ZNF662: variants seen among roughly 807,000 people sequenced by gnomAD.
The protein encoded by ZNF662 is zinc finger protein 662.
Under a neutral mutation model 12.4 loss-of-function variants are expected in ZNF662, and 14 were observed. The ratio of observed to expected loss-of-function variants is 1.13; its 90% confidence interval spans 0.75 to 1.77. ZNF662 has a LOEUF of 1.77. Ranked by LOEUF, ZNF662 falls within the 40% of genes most tolerant of loss-of-function variation. The probability of loss-of-function intolerance (pLI) is 0.00; values close to 1 mark genes in which losing one functional copy is unlikely to be tolerated. For missense variants in ZNF662, 550 were observed against 515.6 expected, an observed-to-expected ratio of 1.07 and a Z score of -0.65; for synonymous variants, 184 against 176.4, an observed-to-expected ratio of 1.04 and a Z score of -0.34.
At position 42,914,774 on chromosome 3, in the gene ZNF662, A is replaced by G. The variant is rs993836527; in HGVS notation, c.701A>G (p.His234Arg). The G allele has an allele frequency of 6.2e-7, 1 of 1,613,810 alleles. No homozygotes were observed. Reference sequence around the variant, plus strand: ...GGGAAGGCTTTCAGTTTTCGATCACATTGCATTGCACATCAGAGAATTCAC... The same window carrying G: ...GGGAAGGCTTTCAGTTTTCGATCACGTTGCATTGCACATCAGAGAATTCAC... ...ECGKAFSFRS[H>R]CIAHQRIHSG... is the part of the protein sequence containing the mutation. Residue 234 changes from histidine to arginine, a missense_variant, in exon 5 of 5, where the codon CAT becomes CGT. Transcript: ENST00000440367.
intron 4 of ZNF662, 102 bp from the exon 5 acceptor site, chr3:42,914,225 G>A (rs763678170): frequency 1.8e-5 from 19 of 1,036,522 alleles, no homozygotes; most frequent in Admixed American, 2.5e-5. Context: ...CTGAGACATG[G>A]GTGGCACTTG....
Position 42,915,092 on chromosome 3 carries a change from G to T in ZNF662, c.1019G>T (p.Gly340Val). 6.2e-7 allele frequency: 1 copy of T among 1,614,058 alleles called. No individual in the cohort carries two copies. Among genetic ancestry groups the T allele is most frequent in the African/African-American group, 1.3e-5 (1 of 75,004 alleles). Reference protein sequence around the residue: ...KPYECKDCGKGFMWNSDLSQH... With the variant: ...KPYECKDCGKVFMWNSDLSQH... ...TACGAATGTAAGGACTGTGGGAAGGGCTTCATGTGGAACTCAGATCTTTCT... is the reference window on the plus strand; with the variant it reads ...TACGAATGTAAGGACTGTGGGAAGGTCTTCATGTGGAACTCAGATCTTTCT... Residue 340 changes from glycine to valine, a missense_variant, in exon 5 of 5, where the codon GGC (glycine) becomes GTC (valine). Physicochemically the swap from Gly to Val is moderately radical, Grantham distance 109. Transcript: ENST00000440367.
rs1029732374 is a variant in ZNF662 at position 42,915,176 on chromosome 3, GCTT to G, written c.1107_1109del (p.Phe370del). 3 of 1,614,020 alleles carry G rather than the reference GCTT, an allele frequency of 1.9e-6. No homozygotes were observed. Among genetic ancestry groups the G allele is most frequent in the African/African-American group, 1.3e-5 (1 of 74,892 alleles). On this transcript the variant is annotated inframe_deletion, in exon 5 of 5. Transcript: ENST00000440367. ...CATGAATGTACTGACTGTGGGAAAA[GCTT>G]CTTTTGCAAGGCACATCTTATTCGA...
chr3:42,912,329 TTA>T (rs1318049205), intron 3 of ZNF662, among the ~76,000 whole-genome samples: 6 of 110,298 alleles, frequency 5.4e-5, no homozygotes, highest in African/African-American at 1.8e-4. Flanking sequence ...CATCTCTCTA[TTA>T]TATATGATAT....
chr3:42,912,460 G>T (rs7621267), intron 3 of ZNF662, among the ~76,000 whole-genome samples: 1 of 93,800 alleles, frequency 1.1e-5, no homozygotes, highest in African/African-American at 4.4e-5. Flanking sequence ...TATATTATAT[G>T]TTATAATATA....
chr3:42,907,945 T>G, intron 1 of ZNF662, 77 bp from the exon 2 acceptor site: 1 of 1,563,428 alleles, frequency 6.4e-7, no homozygotes, highest in South Asian at 1.2e-5. Context: ...CCACAGTACC[T>G]TTTGATGCCC....
At chr3:42,913,396 C>A in intron 4 of ZNF662, 94 bp downstream of exon 4, 1 of 1,020,764 alleles carries the variant, frequency 9.8e-7, no homozygotes, top group Non-Finnish European at 1.5e-6. Context: ...CATTCATGTT[C>A]TAAACAAATA....
At chr3:42,913,997 G>A (rs759306587) in intron 4 of ZNF662, among the ~76,000 whole-genome samples, 1 of 151,872 alleles carries the variant, frequency 6.6e-6, no homozygotes, top group Non-Finnish European at 1.5e-5. Flanking sequence ...GTCCTGGCCT[G>A]TTCTTCTCAT....
chr3:42,906,411 G>A lies in ZNF662; in HGVS notation c.-94+243G>A. 6.7e-7 allele frequency: 1 copy of A among 1,498,518 alleles called. No individual in the cohort carries two copies. The highest frequency in any genetic ancestry group is 8.9e-7 in the Non-Finnish European group (1 of 1,128,236). 92.8% of individuals were successfully genotyped at this position (1,498,518 alleles called of 1,614,324 possible). A position where few individuals can be genotyped will look rare whatever the true frequency, so the allele number is the denominator to read the frequency against. Reference sequence around the variant, plus strand: ...TCGGCCTTGTCCTCGAGCTGCTCCCGGGACAGCCCGCGCTGCCCCGGGCGC... The same window carrying A: ...TCGGCCTTGTCCTCGAGCTGCTCCCAGGACAGCCCGCGCTGCCCCGGGCGC... On this transcript the variant is annotated intron_variant, in intron 1 of 4. Coordinates refer to ENST00000440367, the MANE Select transcript of ZNF662 (RefSeq NM_207404.4). This position sits in a 1 kb window ranked among gnomAD's most constrained non-coding sequence, Gnocchi z 4.4.
At position 42,906,421 on chromosome 3, in the gene ZNF662, G is replaced by A. The variant is rs2088679194; in HGVS notation, c.-94+253G>A. 6.8e-7 allele frequency: 1 copy of A among 1,481,334 alleles called. No homozygotes were observed. Among genetic ancestry groups the A allele is most frequent in the Non-Finnish European group, 8.9e-7 (1 of 1,120,834 alleles). 91.8% of individuals were successfully genotyped at this position (1,481,334 alleles called of 1,614,324 possible). A position where few individuals can be genotyped will look rare whatever the true frequency, so the allele number is the denominator to read the frequency against. On this transcript the variant is annotated intron_variant, in intron 1 of 4. Transcript: ENST00000440367. This position sits in a 1 kb window ranked among gnomAD's most constrained non-coding sequence, Gnocchi z 4.4. ...CCTCGAGCTGCTCCCGGGACAGCCC[G>A]CGCTGCCCCGGGCGCGCCGGGTGAG...
At chr3:42,912,495 T>A (rs1466880781) in intron 3 of ZNF662, among the ~76,000 whole-genome samples, 2 of 92,336 alleles carry the variant, frequency 2.2e-5, no homozygotes, top group Non-Finnish European at 3.8e-5. Flanking sequence ...TAATATATAT[T>A]TATATATTAT....
Position 42,917,362 on chromosome 3 carries a change from A to G in ZNF662, c.*2008A>G. On this transcript the variant is annotated 3_prime_UTR_variant, in exon 5 of 5. Coordinates refer to ENST00000440367, the MANE Select transcript of ZNF662 (RefSeq NM_207404.4). ...GAGAGGCTTTTCTTCATCGAGAGCT[A>G]CCAGAGGAGATATTATCTGTCCTCT... The G allele has an allele frequency of 1.6e-6, 1 of 611,498 alleles. No homozygotes were observed. The highest frequency in any genetic ancestry group is 2.9e-6 in the Non-Finnish European group (1 of 347,130). The allele number at this position is 611,498 out of a possible 1,614,324, so 37.9% of individuals were successfully genotyped here.
intron 4 of ZNF662, among the ~76,000 whole-genome samples, chr3:42,913,807 C>A (rs1404658890): frequency 1.3e-5 from 2 of 152,136 alleles, no homozygotes; most frequent in East Asian, 3.9e-4. Flanking sequence ...TTTGAGAAAG[C>A]ACTTCCCATG....
chr3:42,915,414 A>G lies in ZNF662; in HGVS notation c.*60A>G, dbSNP rs2088888125. ...TATGCTGCAGGAACCCTAGAGACAA[A>G]ATGAGATGACCATTCACAATTTGCT... On this transcript the variant is annotated 3_prime_UTR_variant, in exon 5 of 5. Coordinates refer to ENST00000440367, the MANE Select transcript of ZNF662 (RefSeq NM_207404.4). The G allele has an allele frequency of 6.8e-7, 1 of 1,465,852 alleles. No homozygotes were observed. Among genetic ancestry groups the G allele is most frequent in the Non-Finnish European group, 9.2e-7 (1 of 1,090,834 alleles). 90.8% of individuals were successfully genotyped at this position (1,465,852 alleles called of 1,614,324 possible).
At position 42,914,738 on chromosome 3, in the gene ZNF662, G is replaced by A. The variant is rs1559382505; in HGVS notation, c.665G>A (p.Cys222Tyr). 3 of 1,614,242 alleles carry A rather than the reference G, an allele frequency of 1.9e-6. No individual in the cohort carries two copies. Among genetic ancestry groups the A allele is most frequent in the East Asian group, 4.5e-5 (2 of 44,894 alleles). The change falls in exon 5 of 5, where the codon TGT becomes TAT. Residue 222 changes from cysteine to tyrosine, a missense_variant. Transcript: ENST00000440367. ...KTHNGEKVYG[C>Y]KECGKAFSFR... ...CATAATGGAGAGAAGGTCTATGGAT[G>A]TAAGGAATGTGGGAAGGCTTTCAGT...
chr3:42,918,210 G>T lies in ZNF662; in HGVS notation c.*2856G>T, dbSNP rs2088913903. 6.6e-6 allele frequency among the ~76,000 whole-genome samples: 1 copy of T among 152,114 alleles called. No individual in the cohort carries two copies. The highest frequency in any genetic ancestry group is 1.5e-5 in the Non-Finnish European group (1 of 68,030). ...TCATACCATTAGTGCAGGAATTTTTGCTCCTTAGTTCAGCTAAAATCTGGG... is the reference window on the plus strand; with the variant it reads ...TCATACCATTAGTGCAGGAATTTTTTCTCCTTAGTTCAGCTAAAATCTGGG... On this transcript the variant is annotated 3_prime_UTR_variant, in exon 5 of 5. Coordinates refer to ENST00000440367, the MANE Select transcript of ZNF662 (RefSeq NM_207404.4).
In ZNF662 at chr3:42,908,159, C is replaced by T. The variant is rs1247293253; in HGVS notation, c.34+11C>T. The T allele has an allele frequency of 1.2e-6, 2 of 1,610,462 alleles. No individual in the cohort carries two copies. The highest frequency in any genetic ancestry group is 1.1e-5 in the South Asian group (1 of 90,670). On this transcript the variant is annotated intron_variant, in intron 2 of 4. Transcript: ENST00000440367. Reference sequence around the variant, plus strand: ...CTGTGGCTTCCCTGGGTAAGGGTCTCTCCCTTTGGGCCCTGCCTCCACCCT... The same window carrying T: ...CTGTGGCTTCCCTGGGTAAGGGTCTTTCCCTTTGGGCCCTGCCTCCACCCT...
intron 3 of ZNF662, among the ~76,000 whole-genome samples, chr3:42,910,699 T>C (rs2088774250): frequency 6.6e-6 from 1 of 152,216 alleles, no homozygotes. Context: ...CTTAGTTTCC[T>C]AGTGATAACT....
chr3:42,911,818 T>C (rs972966843), intron 3 of ZNF662, among the ~76,000 whole-genome samples: 1 of 151,990 alleles, frequency 6.6e-6, no homozygotes, highest in African/African-American at 2.4e-5. Context: ...AGGGTGTGAG[T>C]CCATTTCTTA....
Sources: allele counts gnomAD v4.1 joint callset (sites outside exome capture counted in the v4.1 genomes callset), GRCh38; gene constraint gnomAD v4.1.1; non-coding constraint Gnocchi (gnomAD v3.1); transcripts MANE v1.5; gene names NCBI Gene and HGNC (gene_info 2026-07-23, HGNC 2026-07-21).